The following CCNYL1 variants were observed in gnomAD, a reference collection of about 807,000 sequenced individuals.
CCNYL1 encodes cyclin-Y-like protein 1.
CCNYL1 carries 16 observed loss-of-function variants against 44.2 expected under a neutral mutation model. The observed-to-expected ratio is 0.36, with a 90% CI of 0.25 to 0.55. CCNYL1 has a LOEUF of 0.55. Ranked by LOEUF, CCNYL1 falls within the 20% of genes least tolerant of loss-of-function variation. The pLI is 0.85. For missense variants in CCNYL1, 348 were observed against 451.8 expected (o/e 0.77, Z 2.08); for synonymous variants, 159 against 163.2 (o/e 0.97, Z 0.20).
chr2:207,715,600 G>T (rs1422798370), intron 1 of CCNYL1, among the ~76,000 whole-genome samples: 2 of 151,050 alleles, frequency 1.3e-5, no homozygotes, highest in Admixed American at 6.6e-5. Context: ...GGCTGGTCTC[G>T]AACTCCTGAC....
intron 1 of CCNYL1, among the ~76,000 whole-genome samples, chr2:207,720,057 A>G (rs142390708): frequency 0.014 from 2,091 of 151,956 alleles, 30 homozygotes; most frequent in Non-Finnish European, 0.019. Flanking sequence ...GTGTGGTGGC[A>G]CATGCCTGTA....
chr2:207,734,431 T>G (rs1401986558), intron 4 of CCNYL1, among the ~76,000 whole-genome samples: 2 of 152,242 alleles, frequency 1.3e-5, no homozygotes, highest in Admixed American at 1.3e-4. Context: ...TGCAAACTAC[T>G]CTTGGAAGAA....
At chr2:207,743,606 A>T (rs1575221675) in intron 7 of CCNYL1, among the ~76,000 whole-genome samples, 1 of 152,138 alleles carries the variant, frequency 6.6e-6, no homozygotes, top group South Asian at 2.1e-4. Context: ...AAGAAAGTGG[A>T]TAGAAGATAG....
chr2:207,750,045 G>A (rs1013794635), intron 8 of CCNYL1, among the ~76,000 whole-genome samples: 6 of 152,108 alleles, frequency 3.9e-5, no homozygotes, highest in African/African-American at 4.8e-5. Flanking sequence ...TCATGTAGCC[G>A]ACTACTACTC....
rs1052093033 is a variant in CCNYL1 at position 207,746,943 on chromosome 2, A to G, written c.640-104A>G. The G allele has an allele frequency of 5.4e-6, 5 of 927,942 alleles. No homozygotes were observed. In the African/African-American group the frequency reaches 6.7e-5, roughly 12 times the overall value. 57.5% of individuals were successfully genotyped at this position (927,942 alleles called of 1,614,324 possible). A position where few individuals can be genotyped will look rare whatever the true frequency, so the allele number is the denominator to read the frequency against. ...TGAGCCGAGATCGCACCATTGCACT[A>G]CAGCCTGGGCAACAAGAGTGAAACT... On this transcript the variant is annotated intron_variant, in intron 7 of 9. Transcript: ENST00000295414.
intron 7 of CCNYL1, among the ~76,000 whole-genome samples, chr2:207,742,679 TGTG>T (rs913051737): frequency 1.3e-5 from 2 of 152,120 alleles, no homozygotes; most frequent in African/African-American, 4.8e-5. Flanking sequence ...AACAAAACCA[TGTG>T]GTTCAGAGCC....
chr2:207,712,302 TTCC>T (rs1199415721), intron 1 of CCNYL1, among the ~76,000 whole-genome samples, 186 bp downstream of exon 1: 1 of 152,164 alleles, frequency 6.6e-6, no homozygotes, highest in Non-Finnish European at 1.5e-5. Flanking sequence ...CCAGTTTCTT[TTCC>T]TCCTCCTTAC....
At chr2:207,716,929 GA>G (rs1438436527) in intron 1 of CCNYL1, among the ~76,000 whole-genome samples, 1 of 152,116 alleles carries the variant, frequency 6.6e-6, no homozygotes, top group Non-Finnish European at 1.5e-5. Context: ...CTAACACGGT[GA>G]AACCCCGTCT....
At chr2:207,747,353 T>G (rs2091861462) in intron 8 of CCNYL1, 140 bp downstream of exon 8, 2 of 621,978 alleles carry the variant, frequency 3.2e-6, no homozygotes, top group African/African-American at 1.8e-5. Context: ...CTGTCTATCT[T>G]TAGTATAACA....
intron 3 of CCNYL1, among the ~76,000 whole-genome samples, chr2:207,727,490 G>A (rs2091689617): frequency 6.6e-6 from 1 of 152,148 alleles, no homozygotes; most frequent in Non-Finnish European, 1.5e-5. Context: ...GCCAAATGCA[G>A]TAGTAACCCT....
intron 1 of CCNYL1, among the ~76,000 whole-genome samples, chr2:207,721,630 A>T (rs2091640558): frequency 6.6e-6 from 1 of 152,212 alleles, no homozygotes; most frequent in African/African-American, 2.4e-5. Flanking sequence ...ATTTAAATTG[A>T]TAATACAAAA....
intron 4 of CCNYL1, among the ~76,000 whole-genome samples, chr2:207,735,193 T>C (rs1006474941): frequency 8.5e-5 from 13 of 152,354 alleles, no homozygotes; most frequent in African/African-American, 3.1e-4. Flanking sequence ...TAATTTGTTC[T>C]CAGTAAGTTT....
At chr2:207,719,193 G>A (rs1388358197) in intron 1 of CCNYL1, among the ~76,000 whole-genome samples, 1 of 151,666 alleles carries the variant, frequency 6.6e-6, no homozygotes, top group Non-Finnish European at 1.5e-5. Context: ...TGCTGAAGAT[G>A]TTATTTTGGT....
rs555727799 is a variant in CCNYL1, at chr2:207,739,090, TTAAG to T, written c.468-1562_468-1559del. On this transcript the variant is annotated intron_variant, in intron 5 of 9. Coordinates refer to ENST00000295414, the MANE Select transcript of CCNYL1 (RefSeq NM_001330218.2). ...CACCACCAATTGTATTAAAAAATCTTTAAGTATTGAGAAGCTGTTAAACTCACAT... is the reference window on the plus strand; with the variant it reads ...CACCACCAATTGTATTAAAAAATCTTTATTGAGAAGCTGTTAAACTCACAT... Among the ~76,000 whole-genome samples, 324 of 152,336 alleles carry T rather than the reference TTAAG, an allele frequency of 2.1e-3. 2 individuals are homozygous for T. The highest frequency in any genetic ancestry group is 2.1e-3 in the Non-Finnish European group (144 of 68,032).
At chr2:207,733,658 T>C (rs1036959052) in intron 3 of CCNYL1, among the ~76,000 whole-genome samples, 2 of 152,236 alleles carry the variant, frequency 1.3e-5, no homozygotes, top group East Asian at 3.8e-4. Flanking sequence ...TGAAATCTTA[T>C]TGTAAACTTT....
intron 3 of CCNYL1, among the ~76,000 whole-genome samples, chr2:207,730,704 G>A (rs891455731): frequency 2.6e-5 from 4 of 152,152 alleles, no homozygotes; most frequent in Admixed American, 2.6e-4. Flanking sequence ...GCTGCAGTGA[G>A]CCAAGATTGC....
intron 7 of CCNYL1, among the ~76,000 whole-genome samples, chr2:207,743,579 C>T (rs1575221648): frequency 6.6e-6 from 1 of 152,106 alleles, no homozygotes; most frequent in East Asian, 1.9e-4. Flanking sequence ...GCAAGACCCC[C>T]ATCTCTAAAA....
chr2:207,730,223 A>G (rs561786114), intron 3 of CCNYL1, among the ~76,000 whole-genome samples: 16 of 152,220 alleles, frequency 1.1e-4, no homozygotes, highest in East Asian at 3.9e-4. Context: ...TCCTTATAAG[A>G]TGGGAGGACA....
chr2:207,740,225 A>G (rs2091797694), intron 5 of CCNYL1, among the ~76,000 whole-genome samples: 1 of 152,262 alleles, frequency 6.6e-6, no homozygotes, highest in Admixed American at 6.5e-5. Context: ...CATGTCAAGA[A>G]TGTAATACGG....
Sources: gnomAD v4.1 joint callset for allele counts (sites outside exome capture counted in the v4.1 genomes callset) on GRCh38, gnomAD v4.1.1 for gene constraint, MANE v1.5 for transcripts, NCBI Gene and HGNC (gene_info 2026-07-23, HGNC 2026-07-21) for gene names.